The following DOK5 variants were observed in gnomAD, a reference collection of about 807,000 sequenced individuals.
DOK5 encodes the protein docking protein 5.
Under a neutral mutation model 43.3 loss-of-function variants are expected in DOK5, and 27 were observed. That is an observed-to-expected ratio of 0.62 (90% CI 0.46 to 0.86). The LOEUF is 0.86. Ranked by LOEUF, DOK5 falls within the 40% of genes least tolerant of loss-of-function variation. The probability of loss-of-function intolerance (pLI) is 0.00; values close to 1 mark genes in which losing one functional copy is unlikely to be tolerated. For synonymous variants in DOK5, 146 were observed against 140.1 expected (o/e 1.04, Z -0.30); for missense variants, 373 against 392.9 (o/e 0.95, Z 0.43).
intron 1 of DOK5, among the ~76,000 whole-genome samples, chr20:54,536,158 A>T (rs1983954762): frequency 6.6e-6 from 1 of 152,256 alleles, no homozygotes; most frequent in Non-Finnish European, 1.5e-5. Flanking sequence ...CAAATCAGTA[A>T]GCAAAATAAT....
intron 1 of DOK5, among the ~76,000 whole-genome samples, chr20:54,487,383 A>G (rs529614995): frequency 1.3e-5 from 2 of 152,180 alleles, no homozygotes; most frequent in South Asian, 2.1e-4. Flanking sequence ...TTTTCTCTCA[A>G]GTGATACTGG....
intron 1 of DOK5, among the ~76,000 whole-genome samples, chr20:54,521,644 G>GTCA (rs1184115384): frequency 6.6e-6 from 1 of 152,176 alleles, no homozygotes; most frequent in Non-Finnish European, 1.5e-5. Flanking sequence ...CCCAGATCTT[G>GTCA]TCATCTAGGT....
intron 1 of DOK5, among the ~76,000 whole-genome samples, chr20:54,519,114 G>A (rs1239087849): frequency 6.6e-6 from 1 of 152,220 alleles, no homozygotes; most frequent in Non-Finnish European, 1.5e-5. Context: ...TATTTTCAAT[G>A]AGAAGTTGAG....
At chr20:54,645,156 A>G (rs1979347151) in intron 7 of DOK5, among the ~76,000 whole-genome samples, 1 of 151,878 alleles carries the variant, frequency 6.6e-6, no homozygotes, top group Admixed American at 6.6e-5. Context: ...AGTGCACTGG[A>G]CTACACGTAG....
Position 54,580,285 on chromosome 20 carries a change from T to C in DOK5, c.175-8198T>C, listed in dbSNP as rs117272996. ...TAGGTTATTTCCCTGTTTTGACTAT[T>C]GTAAATAATGCTGCCATAAACATGG... is the stretch of plus-strand genomic sequence containing the variant. On this transcript the variant is annotated intron_variant, in intron 2 of 7. Coordinates refer to ENST00000262593, the MANE Select transcript of DOK5 (RefSeq NM_018431.5). Among the ~76,000 whole-genome samples, 897 of 152,320 alleles carry C rather than the reference T, an allele frequency of 5.9e-3. 18 individuals are homozygous for C. The South Asian group carries it at 0.064, about 11-fold the overall frequency.
At chr20:54,488,350 T>C (rs1442651880) in intron 1 of DOK5, among the ~76,000 whole-genome samples, 1 of 152,238 alleles carries the variant, frequency 6.6e-6, no homozygotes, top group African/African-American at 2.4e-5. Flanking sequence ...TCTGATTTTC[T>C]CCTGGCTGGC....
chr20:54,628,611 A>G (rs1436287540), intron 6 of DOK5, among the ~76,000 whole-genome samples: 2 of 152,038 alleles, frequency 1.3e-5, no homozygotes, highest in Non-Finnish European at 2.9e-5. Flanking sequence ...AACTTGTTCA[A>G]TAACATCTGC....
chr20:54,626,991 G>A (rs532666044), intron 6 of DOK5, among the ~76,000 whole-genome samples: 34 of 152,306 alleles, frequency 2.2e-4, no homozygotes, highest in South Asian at 4.1e-4. Context: ...TGATGGTGTG[G>A]CCTGCAAAGC....
intron 1 of DOK5, among the ~76,000 whole-genome samples, chr20:54,533,670 A>G (rs1983856751): frequency 6.6e-6 from 1 of 152,234 alleles, no homozygotes; most frequent in East Asian, 1.9e-4. Flanking sequence ...TATTTACTCA[A>G]AGCAGAATGA....
chr20:54,486,294 C>T (rs1981930530), intron 1 of DOK5, among the ~76,000 whole-genome samples: 1 of 150,998 alleles, frequency 6.6e-6, no homozygotes, highest in South Asian at 2.1e-4. Context: ...TATTCTGTTC[C>T]ATTGTTCTAT....
intron 1 of DOK5, among the ~76,000 whole-genome samples, chr20:54,497,928 G>A (rs571476037): frequency 6.6e-6 from 1 of 152,254 alleles, no homozygotes; most frequent in South Asian, 2.1e-4. Context: ...CAGAGACAAG[G>A]AACAGTGGTT....
chr20:54,488,380 T>G (rs1035166769), intron 1 of DOK5, among the ~76,000 whole-genome samples: 1 of 152,228 alleles, frequency 6.6e-6, no homozygotes, highest in Non-Finnish European at 1.5e-5. Flanking sequence ...GCATCCATAT[T>G]CCTTCCTCAG....
chr20:54,483,675 C>T (rs1352372783), intron 1 of DOK5, among the ~76,000 whole-genome samples: 2 of 152,090 alleles, frequency 1.3e-5, no homozygotes, highest in Non-Finnish European at 2.9e-5. Context: ...GATTCTAAGC[C>T]TTGAAGAGAT....
At chr20:54,577,433 A>G (rs1476834084) in intron 2 of DOK5, among the ~76,000 whole-genome samples, 4 of 152,210 alleles carry the variant, frequency 2.6e-5, no homozygotes, top group African/African-American at 9.7e-5. Context: ...TTTGAAAATT[A>G]AAAAGAAAAA....
intron 7 of DOK5, among the ~76,000 whole-genome samples, chr20:54,644,952 CTTA>C (rs909925015): frequency 5.8e-5 from 8 of 137,504 alleles, no homozygotes; most frequent in Non-Finnish European, 1.1e-4. Flanking sequence ...ATAAGAATAG[CTTA>C]TTATGTTATG....
intron 6 of DOK5, among the ~76,000 whole-genome samples, chr20:54,640,758 A>G (rs749990619): frequency 1.3e-4 from 20 of 152,328 alleles, no homozygotes; most frequent in Middle Eastern, 3.4e-3. Context: ...GTATTCCACA[A>G]ATGTTTTCTT....
intron 2 of DOK5, among the ~76,000 whole-genome samples, chr20:54,581,298 C>T (rs1335685690): frequency 6.6e-6 from 1 of 151,316 alleles, no homozygotes; most frequent in Non-Finnish European, 1.5e-5. Flanking sequence ...TATTTTGAAG[C>T]AACTCTGGCT....
At chr20:54,481,046 C>A (rs1981677064) in intron 1 of DOK5, among the ~76,000 whole-genome samples, 1 of 122,354 alleles carries the variant, frequency 8.2e-6, no homozygotes, top group Non-Finnish European at 1.7e-5. Context: ...ATCTATCTAT[C>A]ATCTGTCTAT....
At chr20:54,547,391 TC>T (rs1166303671) in intron 1 of DOK5, among the ~76,000 whole-genome samples, 1 of 152,218 alleles carries the variant, frequency 6.6e-6, no homozygotes, top group African/African-American at 2.4e-5. Context: ...GCTATTTTCT[TC>T]ATAACAGTCC....
Sources: allele counts gnomAD v4.1 joint callset (sites outside exome capture counted in the v4.1 genomes callset), GRCh38; gene constraint gnomAD v4.1.1; transcripts MANE v1.5; gene names NCBI Gene and HGNC (gene_info 2026-07-23, HGNC 2026-07-21).